Variants in NRXN3 observed in about 807,000 individuals in gnomAD.
NRXN3 encodes neurexin 3, also known as neurexin III.
NRXN3 carries 32 observed loss-of-function variants against 137.6 expected under a neutral mutation model. That is an observed-to-expected ratio of 0.23 (90% CI 0.18 to 0.31). NRXN3 has a LOEUF of 0.31. NRXN3 is among the 10% of genes least tolerant of loss of function. The pLI, the probability that NRXN3 is intolerant of heterozygous loss-of-function variation, is 1.00. For missense variants in NRXN3, 1,574 were observed against 2,062.5 expected (o/e 0.76, Z 4.59); for synonymous variants, 798 against 784.5 (o/e 1.02, Z -0.29).
rs908924899 is a variant in NRXN3, at chr14:78,444,905, G to A, written c.757+147045G>A. 8.5e-5 allele frequency among the ~76,000 whole-genome samples: 6 copies of A among 70,456 alleles called. No individual in the cohort carries two copies. In the Admixed American group the frequency reaches 1.4e-3, roughly 16 times the overall value. The allele number at this position is 70,456 out of a possible 152,430, so 46.2% of individuals were successfully genotyped here. ...CTGCACTCCAGCCTGGGCAATAAGG[G>A]CAAAACTCTGTCTCAAAAAAAAAAA... is the stretch of plus-strand genomic sequence containing the variant. On this transcript the variant is annotated intron_variant, in intron 4 of 20. Coordinates refer to ENST00000335750, the MANE Select transcript of NRXN3 (RefSeq NM_001330195.2).
At chr14:78,576,293 A>T (rs559317065) in intron 4 of NRXN3, among the ~76,000 whole-genome samples, 1 of 152,306 alleles carries the variant, frequency 6.6e-6, no homozygotes, top group South Asian at 2.1e-4. Flanking sequence ...GTCTTGATTT[A>T]TCCATCTCAG....
At chr14:78,580,377 C>T (rs1009805769) in intron 4 of NRXN3, among the ~76,000 whole-genome samples, 2 of 152,156 alleles carry the variant, frequency 1.3e-5, no homozygotes, top group Non-Finnish European at 2.9e-5. Flanking sequence ...CAGCACTTAT[C>T]CTAAGTTGAC....
At chr14:78,341,307 G>T (rs1173461201) in intron 4 of NRXN3, among the ~76,000 whole-genome samples, 1 of 152,138 alleles carries the variant, frequency 6.6e-6, no homozygotes, top group Non-Finnish European at 1.5e-5. Flanking sequence ...TGGTTTAGAA[G>T]TTTGGGGTAG....
chr14:79,806,719 G>GT (rs561269146), intron 20 of NRXN3, among the ~76,000 whole-genome samples: 15,429 of 137,878 alleles, frequency 0.11, 1,075 homozygotes, highest in African/African-American at 0.2. Flanking sequence ...TTCCTATTCT[G>GT]TTTTTTTTTT....
At chr14:79,748,290 G>A (rs2098985849) in intron 19 of NRXN3, among the ~76,000 whole-genome samples, 1 of 152,020 alleles carries the variant, frequency 6.6e-6, no homozygotes, top group Non-Finnish European at 1.5e-5. Flanking sequence ...TATAAGGGAG[G>A]GTACACAGTA....
At chr14:79,738,022 T>C (rs1217292025) in intron 19 of NRXN3, among the ~76,000 whole-genome samples, 6 of 152,132 alleles carry the variant, frequency 3.9e-5, no homozygotes, top group Non-Finnish European at 1.5e-5. Context: ...TAAATCAAAA[T>C]CACCTGTAAA....
chr14:79,164,226 C>A (rs570579384), intron 15 of NRXN3, among the ~76,000 whole-genome samples: 3 of 152,076 alleles, frequency 2.0e-5, no homozygotes, highest in Non-Finnish European at 4.4e-5. Context: ...TCTTTGAATT[C>A]TTTAGCATAC....
At chr14:79,459,901 C>T (rs949977149) in intron 15 of NRXN3, among the ~76,000 whole-genome samples, 7 of 151,968 alleles carry the variant, frequency 4.6e-5, no homozygotes, top group African/African-American at 1.7e-4. Flanking sequence ...ATTTTTAGGT[C>T]AATTTTAGCG....
At chr14:78,714,680 A>G (rs1260589554) in intron 7 of NRXN3, 76 bp from the exon 8 acceptor site, 13 of 1,523,724 alleles carry the variant, frequency 8.5e-6, no homozygotes, top group Admixed American at 1.7e-5. Flanking sequence ...GGCTGGGCTC[A>G]GCACTCACCT....
chr14:78,183,561 G>T (rs1344543148), intron 1 of NRXN3, among the ~76,000 whole-genome samples: 1 of 152,246 alleles, frequency 6.6e-6, no homozygotes, highest in East Asian at 1.9e-4. Context: ...TTCCTGAAAG[G>T]TTTGCCAGGA....
intron 20 of NRXN3, among the ~76,000 whole-genome samples, chr14:79,850,799 A>G (rs1001309311): frequency 3.3e-5 from 5 of 152,186 alleles, no homozygotes; most frequent in Non-Finnish European, 5.9e-5. Flanking sequence ...TTAGCAAGCA[A>G]TGTCATTTTG....
chr14:79,650,666 A>G (rs917201904), intron 16 of NRXN3, among the ~76,000 whole-genome samples: 5 of 152,194 alleles, frequency 3.3e-5, no homozygotes, highest in Non-Finnish European at 7.3e-5. Context: ...CTAACTTCTG[A>G]TGTGCCTCCC....
At chr14:78,214,113 TTCTGGGCCTGG>T (rs1445845939) in intron 1 of NRXN3, among the ~76,000 whole-genome samples, 1 of 152,216 alleles carries the variant, frequency 6.6e-6, no homozygotes, top group Non-Finnish European at 1.5e-5. Flanking sequence ...TATCCTTGCC[TTCTGGGCCTGG>T]TCTGGGCCCT....
intron 10 of NRXN3, among the ~76,000 whole-genome samples, chr14:78,940,598 A>G (rs971430738): frequency 2.0e-5 from 3 of 152,240 alleles, no homozygotes; most frequent in Non-Finnish European, 1.5e-5. Flanking sequence ...TGTTGAGTTA[A>G]TGAGTAATAA....
intron 6 of NRXN3, among the ~76,000 whole-genome samples, chr14:78,658,618 C>G (rs773102468): frequency 1.4e-4 from 21 of 152,162 alleles, no homozygotes; most frequent in Non-Finnish European, 2.9e-4. Context: ...TACAACTTCT[C>G]TGGATATCCT....
intron 16 of NRXN3, among the ~76,000 whole-genome samples, chr14:79,514,486 G>T (rs1333730932): frequency 6.6e-6 from 1 of 152,140 alleles, no homozygotes; most frequent in Non-Finnish European, 1.5e-5. Flanking sequence ...TACAGCAGAT[G>T]CTTCCTCAGA....
intron 10 of NRXN3, among the ~76,000 whole-genome samples, chr14:78,855,274 G>A (rs184297354): frequency 3.3e-4 from 50 of 152,108 alleles, no homozygotes; most frequent in Non-Finnish European, 5.4e-4. Flanking sequence ...CAGAAGATTC[G>A]AAGTTTTGTA....
At chr14:79,532,556 A>G (rs571171586) in intron 16 of NRXN3, among the ~76,000 whole-genome samples, 1 of 152,248 alleles carries the variant, frequency 6.6e-6, no homozygotes, top group African/African-American at 2.4e-5. Context: ...CCTCTGGATG[A>G]GTCATCTTCA....
chr14:79,299,305 T>C (rs1406182230), intron 15 of NRXN3, among the ~76,000 whole-genome samples: 1 of 151,964 alleles, frequency 6.6e-6, no homozygotes, highest in Non-Finnish European at 1.5e-5. Flanking sequence ...AGCTTTTAAC[T>C]CCACATACCT....
Sources: allele counts gnomAD v4.1 joint callset (sites outside exome capture counted in the v4.1 genomes callset), GRCh38; gene constraint gnomAD v4.1.1; transcripts MANE v1.5; gene names NCBI Gene and HGNC (gene_info 2026-07-23, HGNC 2026-07-21).